The following UGT2A1 variants were observed in gnomAD, a reference collection of about 807,000 sequenced individuals.
UGT2A1 encodes the protein UDP glucuronosyltransferase family 2 member A1 complex locus.
In UGT2A1, 61 loss-of-function variants were observed where a neutral mutation model predicts 45.4. That is an observed-to-expected ratio of 1.34 (90% CI 1.09 to 1.66). UGT2A1 has a LOEUF of 1.66. UGT2A1 is among the 40% of genes most tolerant of loss of function. The probability of loss-of-function intolerance (pLI) is 0.00; values close to 1 mark genes in which losing one functional copy is unlikely to be tolerated. For synonymous variants in UGT2A1, 229 were observed against 196.2 expected (o/e 1.17, Z -1.40); for missense variants, 649 against 574.3 (o/e 1.13, Z -1.33).
At chr4:69,631,783 C>T (rs927307189) in intron 3 of UGT2A1, among the ~76,000 whole-genome samples, 4 of 152,096 alleles carry the variant, frequency 2.6e-5, no homozygotes, top group Non-Finnish European at 5.9e-5. Context: ...TTACTAGGCT[C>T]CACTGATGCT....
chr4:69,600,064 C>A (rs1396378325), intron 3 of UGT2A1, among the ~76,000 whole-genome samples: 1 of 152,064 alleles, frequency 6.6e-6, no homozygotes, highest in Non-Finnish European at 1.5e-5. Flanking sequence ...ATAAAAGTAA[C>A]CATAAACCCT....
chr4:69,622,371 A>T (rs1438758376), intron 3 of UGT2A1, among the ~76,000 whole-genome samples: 3 of 151,814 alleles, frequency 2.0e-5, no homozygotes, highest in Non-Finnish European at 4.4e-5. Context: ...TATTTCATAC[A>T]ACTGAGAAAT....
At chr4:69,613,824 G>A (rs950253699) in intron 3 of UGT2A1, among the ~76,000 whole-genome samples, 25 of 151,812 alleles carry the variant, frequency 1.6e-4, no homozygotes, top group African/African-American at 6.0e-4. Context: ...AAGGAACATA[G>A]CTCAACATTA....
chr4:69,608,258 A>G (rs1012055292), intron 3 of UGT2A1, among the ~76,000 whole-genome samples: 2 of 152,160 alleles, frequency 1.3e-5, no homozygotes, highest in Non-Finnish European at 2.9e-5. Flanking sequence ...TGATGAGTTC[A>G]TGTCCTTTGC....
chr4:69,638,964 G>A (rs1406451144), intron 2 of UGT2A1: 1 of 1,612,840 alleles, frequency 6.2e-7, no homozygotes, highest in Non-Finnish European at 8.5e-7. Flanking sequence ...GTCTTGCAGA[G>A]AATAAGATAT....
intron 4 of UGT2A1, 141 bp from the exon 5 acceptor site, chr4:69,595,390 G>A (rs146849421): frequency 2.1e-5 from 18 of 874,746 alleles, no homozygotes; most frequent in African/African-American, 1.0e-4. Flanking sequence ...GTTGAGATAC[G>A]TAGTAGGACT....
Position 69,645,409 on chromosome 4 carries a change from T to C in UGT2A1, c.715+1521A>G, listed in dbSNP as rs557083904. ...ACTAATTTAGTCCTTTTAGTAGCCCTGTCAGAGATGAGATAAATGAAGTTC... is the reference window on the plus strand; with the variant it reads ...ACTAATTTAGTCCTTTTAGTAGCCCCGTCAGAGATGAGATAAATGAAGTTC... On this transcript the variant is annotated intron_variant, in intron 2 of 6. Transcript: ENST00000286604. Among the ~76,000 whole-genome samples the C allele has an allele frequency of 2.0e-5, 3 of 151,922 alleles. No individual in the cohort carries two copies. In the East Asian group the frequency reaches 5.8e-4, roughly 29 times the overall value.
intron 2 of UGT2A1, among the ~76,000 whole-genome samples, chr4:69,645,149 A>G (rs1722198640): frequency 6.6e-6 from 1 of 151,670 alleles, no homozygotes; most frequent in African/African-American, 2.4e-5. Context: ...GTGCATTATT[A>G]CTTTGTTATC....
At chr4:69,641,699 A>G (rs1466094304) in intron 2 of UGT2A1, among the ~76,000 whole-genome samples, 1 of 151,814 alleles carries the variant, frequency 6.6e-6, no homozygotes, top group Non-Finnish European at 1.5e-5. Flanking sequence ...CTCAGAGTGG[A>G]GTCTGATATT....
chr4:69,642,638 G>T (rs1049604692), intron 2 of UGT2A1, among the ~76,000 whole-genome samples: 2 of 151,530 alleles, frequency 1.3e-5, no homozygotes, highest in East Asian at 3.9e-4. Context: ...TTCATGCAAA[G>T]ATCTAGATAT....
chr4:69,596,135 C>T (rs1468694644), intron 4 of UGT2A1: 3 of 1,305,332 alleles, frequency 2.3e-6, no homozygotes, highest in Non-Finnish European at 3.0e-6. Context: ...ACAACTGTTA[C>T]TAGTGATACT....
intron 3 of UGT2A1, among the ~76,000 whole-genome samples, chr4:69,601,382 C>T (rs1339654873): frequency 2.0e-5 from 3 of 152,178 alleles, no homozygotes; most frequent in South Asian, 2.1e-4. Context: ...CATGCCCTTC[C>T]CCGCCCCCCG....
chr4:69,590,368 T>A (rs770181590), intron 6 of UGT2A1, among the ~76,000 whole-genome samples: 4 of 152,188 alleles, frequency 2.6e-5, no homozygotes, highest in Non-Finnish European at 4.4e-5. Context: ...CAATATTGGG[T>A]GGATATCTAC....
intron 2 of UGT2A1, among the ~76,000 whole-genome samples, chr4:69,640,619 G>C (rs906197785): frequency 6.6e-6 from 1 of 151,738 alleles, no homozygotes; most frequent in Admixed American, 6.6e-5. Context: ...TGATTAAAAG[G>C]ATAAAAATCA....
intron 3 of UGT2A1, among the ~76,000 whole-genome samples, chr4:69,630,765 A>G (rs1173990877): frequency 6.6e-6 from 1 of 152,172 alleles, no homozygotes; most frequent in East Asian, 1.9e-4. Flanking sequence ...CAGACCCTAA[A>G]GGTGAAACCG....
Position 69,645,916 on chromosome 4 carries a change from T to G in UGT2A1, c.715+1014A>C, listed in dbSNP as rs545020664. On this transcript the variant is annotated intron_variant, in intron 2 of 6. Transcript: ENST00000286604. ...GTTTTGTCTTCAACTTTGAGCACAC[T>G]TTTCCTTCCCCATTCTTACCTTGCA... 6.5e-4 allele frequency among the ~76,000 whole-genome samples: 99 copies of G among 151,868 alleles called. 1 individual carries two copies. The highest frequency in any genetic ancestry group is 1.2e-3 in the Non-Finnish European group (84 of 67,786).
At chr4:69,602,463 TTATC>T (rs71206000) in intron 3 of UGT2A1, among the ~76,000 whole-genome samples, 11,290 of 100,824 alleles carry the variant, frequency 0.11, 2,352 homozygotes, top group African/African-American at 0.2. Flanking sequence ...ATTTAGGAGT[TTATC>T]TATCTATCTA....
intron 6 of UGT2A1, among the ~76,000 whole-genome samples, chr4:69,593,568 A>G (rs1336414143): frequency 2.6e-5 from 4 of 151,498 alleles, no homozygotes; most frequent in Non-Finnish European, 5.9e-5. Context: ...ACTTATATAT[A>G]TAATATACTA....
chr4:69,644,574 A>G (rs929191341), intron 2 of UGT2A1, among the ~76,000 whole-genome samples: 4 of 151,678 alleles, frequency 2.6e-5, no homozygotes, highest in African/African-American at 4.8e-5. Context: ...CTTTCTTTTA[A>G]GATCTAGTTT....
Sources: gnomAD v4.1 joint callset for allele counts (sites outside exome capture counted in the v4.1 genomes callset) on GRCh38, gnomAD v4.1.1 for gene constraint, MANE v1.5 for transcripts, NCBI Gene and HGNC (gene_info 2026-07-23, HGNC 2026-07-21) for gene names.